Variants in RUFY4 observed in about 807,000 individuals in gnomAD.
RUFY4 encodes the protein RUN and FYVE domain-containing protein 4.
A neutral mutation model predicts 69.0 loss-of-function variants in RUFY4; 73 were observed. That is an observed-to-expected ratio of 1.06 (90% CI 0.88 to 1.29). RUFY4 has a LOEUF of 1.29. Ranked by LOEUF, RUFY4 falls within the 50% of genes most tolerant of loss-of-function variation. RUFY4 has a pLI of 0.00. For synonymous variants in RUFY4, 287 were observed against 271.8 expected, an observed-to-expected ratio of 1.06 and a Z score of -0.55; for missense variants, 770 against 705.6, an observed-to-expected ratio of 1.09 and a Z score of -1.03.
At chr2:218,040,313 T>C (rs1373841729) in intron 2 of RUFY4, among the ~76,000 whole-genome samples, 1 of 152,084 alleles carries the variant, frequency 6.6e-6, no homozygotes, top group East Asian at 1.9e-4. Flanking sequence ...AGAAGGGAGG[T>C]GTCGTCTGAC....
intron 2 of RUFY4, 67 bp downstream of exon 4, chr2:218,070,926 G>GA: frequency 1.6e-6 from 2 of 1,259,818 alleles, no homozygotes; most frequent in Admixed American, 2.3e-5. Context: ...GACATTCCTG[G>GA]AAAATCAGGG....
intron 2 of RUFY4, among the ~76,000 whole-genome samples, chr2:218,046,628 C>T (rs1688834595): frequency 6.6e-6 from 1 of 152,136 alleles, no homozygotes. Flanking sequence ...ATAAGACAAT[C>T]ATTAGTTTTA....
At chr2:218,082,651 T>G (rs115438688) in intron 8 of RUFY4, among the ~76,000 whole-genome samples, 4,006 of 152,172 alleles carry the variant, frequency 0.026, 180 homozygotes, top group African/African-American at 0.09. Context: ...GTGTGCATGT[T>G]GTGTTGTGTG....
At chr2:218,059,416 C>T (rs763550582) in intron 3 of RUFY4, 1 of 166,358 alleles carries the variant, frequency 6.0e-6, no homozygotes, top group Non-Finnish European at 1.5e-5. Flanking sequence ...ATTAAACCAT[C>T]ACTCCCCATA....
chr2:218,066,264 A>ACC (rs369550907), upstream of RUFY4, among the ~76,000 whole-genome samples: 1,390 of 138,950 alleles, frequency 0.01, 31 homozygotes, highest in African/African-American at 0.036. Flanking sequence ...GCTCACTGCA[A>ACC]CCTCCACCTC....
At chr2:218,090,448 G>T (rs1294969303) in exon 11 of RUFY4, 1 of 234,624 alleles carries the variant, frequency 4.3e-6, no homozygotes, top group Non-Finnish European at 8.6e-6. Context: ...CACGAGAAGT[G>T]AAGCCTGCAC....
chr2:218,072,983 C>A, intron 4 of RUFY4, 98 bp downstream of exon 6: 1 of 1,069,166 alleles, frequency 9.4e-7, no homozygotes, highest in Non-Finnish European at 1.3e-6. Context: ...GGCTTTCTAT[C>A]AAGGACAGTT....
At chr2:218,040,259 T>C (rs1238351791) in intron 2 of RUFY4, among the ~76,000 whole-genome samples, 1 of 152,222 alleles carries the variant, frequency 6.6e-6, no homozygotes, top group African/African-American at 2.4e-5. Flanking sequence ...CTGTGATCCC[T>C]TGACTTAACT....
intron 2 of RUFY4, among the ~76,000 whole-genome samples, chr2:218,043,119 G>C (rs767383016): frequency 6.6e-6 from 1 of 152,134 alleles, no homozygotes; most frequent in Non-Finnish European, 1.5e-5. Flanking sequence ...ACCTGCAGTA[G>C]GGTAGCTCCT....
At chr2:218,055,783 C>A (rs1331367550) in intron 2 of RUFY4, among the ~76,000 whole-genome samples, 1 of 152,214 alleles carries the variant, frequency 6.6e-6, no homozygotes, top group East Asian at 1.9e-4. Context: ...CCATCCCCGC[C>A]ACAGTGCCAT....
At chr2:218,036,443 CAG>C (rs59066356) in intron 2 of RUFY4, among the ~76,000 whole-genome samples, 16,093 of 152,062 alleles carry the variant, frequency 0.11, 2,785 homozygotes, top group African/African-American at 0.36. Flanking sequence ...TAAATTAAAA[CAG>C]GGGGTGAGAA....
intron 8 of RUFY4, among the ~76,000 whole-genome samples, chr2:218,077,570 T>G (rs1205890281): frequency 6.6e-6 from 1 of 152,190 alleles, no homozygotes; most frequent in Non-Finnish European, 1.5e-5. Flanking sequence ...AGCCTCTCTG[T>G]GTCTCTCTCC....
At chr2:218,062,993 C>G (rs533118741) in intron 3 of RUFY4, among the ~76,000 whole-genome samples, 4 of 152,210 alleles carry the variant, frequency 2.6e-5, no homozygotes, top group Non-Finnish European at 5.9e-5. Context: ...TCCATCCAGC[C>G]CTGACTCCCC....
At chr2:218,074,804 A>C (rs1264195013) in intron 6 of RUFY4, among the ~76,000 whole-genome samples, 2 of 152,046 alleles carry the variant, frequency 1.3e-5, no homozygotes, top group African/African-American at 4.8e-5. Flanking sequence ...ACTTAGGGGG[A>C]ACCAGATCAA....
intron 2 of RUFY4, among the ~76,000 whole-genome samples, chr2:218,036,131 G>T (rs1007981902): frequency 6.6e-5 from 10 of 152,232 alleles, no homozygotes; most frequent in Admixed American, 2.0e-4. Context: ...TAGCCTCCCA[G>T]GGTTATGTGG....
At chr2:218,089,971 T>C (rs751641012) in exon 11 of RUFY4, 1 of 1,564,212 alleles carries the variant, frequency 6.4e-7, no homozygotes, top group Non-Finnish European at 8.7e-7. Flanking sequence ...AGGCCTGCTC[T>C]GCCATGCTTG....
At chr2:218,070,477 G>A (rs1184991345), upstream of RUFY4, 4 of 802,418 alleles carry the variant, frequency 5.0e-6, no homozygotes, top group African/African-American at 5.1e-5. Flanking sequence ...TGTCACCCAA[G>A]ATTAGTCACT....
intron 8 of RUFY4, among the ~76,000 whole-genome samples, chr2:218,078,744 C>A (rs533987234): frequency 6.6e-6 from 1 of 152,316 alleles, no homozygotes; most frequent in East Asian, 1.9e-4. Context: ...AAAGAGAAAC[C>A]CTGTACCCAT....
chr2:218,035,990 C>T (rs916755551), intron 2 of RUFY4, among the ~76,000 whole-genome samples: 2 of 152,196 alleles, frequency 1.3e-5, no homozygotes, highest in African/African-American at 4.8e-5. Flanking sequence ...CATGAACCCT[C>T]ACGGGGCTGC....
Sources: gnomAD v4.1 joint callset for allele counts (sites outside exome capture counted in the v4.1 genomes callset) on GRCh38, gnomAD v4.1.1 for gene constraint, MANE v1.5 for transcripts, NCBI Gene and HGNC (gene_info 2026-07-23, HGNC 2026-07-21) for gene names.